The following HNRNPUL1 variants were observed in gnomAD, a reference collection of about 807,000 sequenced individuals.
The protein encoded by HNRNPUL1 is heterogeneous nuclear ribonucleoprotein U like 1.
In HNRNPUL1, 14 loss-of-function variants were observed where a neutral mutation model predicts 108.5. That is an observed-to-expected ratio of 0.13 (90% CI 0.09 to 0.20). HNRNPUL1 has a LOEUF of 0.20. Among genes scored for constraint, HNRNPUL1 ranks in the 10% least tolerant of loss-of-function variants. The probability of loss-of-function intolerance (pLI) is 1.00; values close to 1 mark genes in which losing one functional copy is unlikely to be tolerated. For missense variants in HNRNPUL1, 804 were observed against 1,168.3 expected (o/e 0.69, Z 4.55); for synonymous variants, 422 against 445.2 (o/e 0.95, Z 0.66).
intron 8 of HNRNPUL1, among the ~76,000 whole-genome samples, chr19:41,293,091 A>G (rs2036685409): frequency 6.6e-6 from 1 of 152,248 alleles, no homozygotes; most frequent in South Asian, 2.1e-4. Context: ...CAGAGCTATC[A>G]AAAGATAAAT....
At chr19:41,291,257 TA>T (rs1022556305) in intron 7 of HNRNPUL1, among the ~76,000 whole-genome samples, 3 of 152,184 alleles carry the variant, frequency 2.0e-5, no homozygotes, top group Non-Finnish European at 4.4e-5. Context: ...TGCTTCTAGG[TA>T]GGTCATCTTA....
At chr19:41,284,045 C>G (rs1408761663) in intron 7 of HNRNPUL1, among the ~76,000 whole-genome samples, 3 of 152,212 alleles carry the variant, frequency 2.0e-5, no homozygotes, top group Admixed American at 1.3e-4. Flanking sequence ...TTGTGTATCA[C>G]AGTAAAAAGT....
intron 7 of HNRNPUL1, among the ~76,000 whole-genome samples, chr19:41,289,681 T>G (rs981876680): frequency 6.6e-6 from 1 of 150,848 alleles, no homozygotes; most frequent in Non-Finnish European, 1.5e-5. Context: ...GAAGGCTAAC[T>G]AACACCAACA....
At chr19:41,297,125 T>C (rs542961154) in intron 10 of HNRNPUL1, among the ~76,000 whole-genome samples, 2 of 152,342 alleles carry the variant, frequency 1.3e-5, no homozygotes, top group Admixed American at 1.3e-4. Flanking sequence ...GCATCACAGC[T>C]GTGGAACATC....
chr19:41,306,236 T>C (rs1204818043), intron 14 of HNRNPUL1, among the ~76,000 whole-genome samples: 2 of 152,206 alleles, frequency 1.3e-5, no homozygotes, highest in Non-Finnish European at 2.9e-5. Context: ...CAAAAGGCAC[T>C]GGGTTGACAA....
rs1411926298 is a variant in HNRNPUL1 at position 41,268,451 on chromosome 19, C to T, written c.418+106C>T. The T allele has an allele frequency of 2.5e-6, 3 of 1,220,412 alleles. No individual in the cohort carries two copies. In the African/African-American group the frequency reaches 4.6e-5, roughly 19 times the overall value. The allele number at this position is 1,220,412 out of a possible 1,614,324, so 75.6% of individuals were successfully genotyped here. ...CCCAGAGAAACTGTGCATCTTTTTT[C>T]TTGGGCAGTTCATCTAAACATTGTC... is the stretch of plus-strand genomic sequence containing the variant. On this transcript the variant is annotated intron_variant, in intron 2 of 14. Transcript: ENST00000392006.
chr19:41,288,666 G>C lies in HNRNPUL1; in HGVS notation c.1000-3579G>C, dbSNP rs369155726. On this transcript the variant is annotated intron_variant, in intron 7 of 14. Coordinates refer to ENST00000392006, the MANE Select transcript of HNRNPUL1 (RefSeq NM_007040.6). The stretch of plus-strand genomic sequence containing the variant: ...AGCGCCTCCCTTTGGTGGACATGTC[G>C]TTACTTTTGCAGCTTTGTATTTAGT... Among the ~76,000 whole-genome samples, 126 of 152,214 alleles carry C rather than the reference G, an allele frequency of 8.3e-4. 2 individuals are homozygous for C. Among genetic ancestry groups the C allele is most frequent in the Middle Eastern group, 3.4e-3 (1 of 294 alleles).
intron 2 of HNRNPUL1, among the ~76,000 whole-genome samples, chr19:41,271,738 G>T (rs2035252402): frequency 6.6e-6 from 1 of 152,172 alleles, no homozygotes; most frequent in African/African-American, 2.4e-5. Flanking sequence ...GGTAACTAAA[G>T]CCCGTAGAGT....
intron 3 of HNRNPUL1, 27 bp from the exon 4 acceptor site, chr19:41,273,955 A>G: frequency 1.3e-6 from 2 of 1,582,592 alleles, no homozygotes; most frequent in Non-Finnish European, 1.7e-6. Flanking sequence ...TTGTTCTTGT[A>G]TGACTTAACC....
At chr19:41,265,795 G>C (rs1768688183) in intron 1 of HNRNPUL1, among the ~76,000 whole-genome samples, 1 of 151,974 alleles carries the variant, frequency 6.6e-6, no homozygotes, top group Non-Finnish European at 1.5e-5. Context: ...AATATGTGGC[G>C]GGAGACAGAG....
intron 1 of HNRNPUL1, 42 bp from the exon 2 acceptor site, chr19:41,268,181 T>G: frequency 6.2e-7 from 1 of 1,604,786 alleles, no homozygotes; most frequent in Non-Finnish European, 8.5e-7. Flanking sequence ...GGGTTCTTCA[T>G]GAACCGCCCC....
intron 7 of HNRNPUL1, among the ~76,000 whole-genome samples, chr19:41,287,057 C>T (rs1254320763): frequency 6.6e-6 from 1 of 151,576 alleles, no homozygotes; most frequent in African/African-American, 2.4e-5. Context: ...GTTCTGTCGC[C>T]CAGGCTGGAG....
chr19:41,282,413 C>T (rs551216369), intron 7 of HNRNPUL1, among the ~76,000 whole-genome samples: 1 of 152,260 alleles, frequency 6.6e-6, no homozygotes, highest in Non-Finnish European at 1.5e-5. Context: ...AACTCCCGAC[C>T]TCAGATGATC....
chr19:41,280,221 G>A (rs969460927), intron 6 of HNRNPUL1, among the ~76,000 whole-genome samples: 1 of 152,144 alleles, frequency 6.6e-6, no homozygotes, highest in Non-Finnish European at 1.5e-5. Context: ...AAGTGTTAGG[G>A]GGTAACAAGG....
At chr19:41,274,527 G>T (rs2122544586) in intron 4 of HNRNPUL1, among the ~76,000 whole-genome samples, 1 of 152,278 alleles carries the variant, frequency 6.6e-6, no homozygotes, top group South Asian at 2.1e-4. Flanking sequence ...CACTAACCTG[G>T]CCCGCCCTGC....
At position 41,294,278 on chromosome 19, in the gene HNRNPUL1, A is replaced by G. The variant is rs887406044; in HGVS notation, c.1267-60A>G. The G allele has an allele frequency of 8.8e-6, 14 of 1,597,238 alleles. No individual in the cohort carries two copies. In the African/African-American group the frequency reaches 9.4e-5, roughly 11 times the overall value. The stretch of plus-strand genomic sequence containing the variant: ...GTCCAGAGTCACACTCACAGTCACC[A>G]CCGAGCCAAGTGGTGCCATACCACC... On this transcript the variant is annotated intron_variant, in intron 8 of 14. Coordinates refer to ENST00000392006, the MANE Select transcript of HNRNPUL1 (RefSeq NM_007040.6). This position sits in a 1 kb window ranked among gnomAD's most constrained non-coding sequence, Gnocchi z 4.3.
At chr19:41,276,136 A>C (rs777092056) in intron 4 of HNRNPUL1, 23 bp from the exon 5 acceptor site, 15 of 1,613,756 alleles carry the variant, frequency 9.3e-6, no homozygotes, top group Middle Eastern at 1.6e-4. Context: ...ACATCAGCCA[A>C]CTGTGGGCAT....
chr19:41,295,307 G>A (rs772779247), intron 10 of HNRNPUL1, among the ~76,000 whole-genome samples: 1 of 152,126 alleles, frequency 6.6e-6, no homozygotes, highest in Non-Finnish European at 1.5e-5. Context: ...CTTAACATCA[G>A]GGACCTTGGA....
intron 7 of HNRNPUL1, among the ~76,000 whole-genome samples, chr19:41,282,691 T>C (rs1027213950): frequency 2.0e-5 from 3 of 151,144 alleles, no homozygotes; most frequent in Admixed American, 6.6e-5. Flanking sequence ...TTTCTTTTTT[T>C]CTTTTTTTTT....
Sources: allele counts gnomAD v4.1 joint callset (sites outside exome capture counted in the v4.1 genomes callset), GRCh38; gene constraint gnomAD v4.1.1; non-coding constraint Gnocchi (gnomAD v3.1); transcripts MANE v1.5; gene names NCBI Gene and HGNC (gene_info 2026-07-23, HGNC 2026-07-21).